The following FILIP1 variants were observed in gnomAD, a reference collection of about 807,000 sequenced individuals.
FILIP1 encodes the protein filamin A interacting protein 1, also known as filamin-A-interacting protein 1.
Under a neutral mutation model 102.1 loss-of-function variants are expected in FILIP1, and 61 were observed. That is an observed-to-expected ratio of 0.60 (90% CI 0.49 to 0.74). The LOEUF is 0.74. Ranked by LOEUF, FILIP1 falls within the 30% of genes least tolerant of loss-of-function variation. The probability of loss-of-function intolerance (pLI) is 0.00; values close to 1 mark genes in which losing one functional copy is unlikely to be tolerated. For missense variants in FILIP1, 1,314 were observed against 1,441.2 expected (o/e 0.91, Z 1.43); for synonymous variants, 491 against 526.9 (o/e 0.93, Z 0.93).
chr6:75,488,769 G>C (rs1779868110), intron 1 of FILIP1, among the ~76,000 whole-genome samples: 1 of 152,102 alleles, frequency 6.6e-6, no homozygotes, highest in African/African-American at 2.4e-5. Context: ...AAACTTCCCT[G>C]CTTATAAGGG....
chr6:75,404,705 G>A (rs571320179), intron 2 of FILIP1, among the ~76,000 whole-genome samples: 2 of 152,210 alleles, frequency 1.3e-5, no homozygotes, highest in East Asian at 3.9e-4. Context: ...GCTTTAGGGG[G>A]ATCTACCTCA....
intron 2 of FILIP1, among the ~76,000 whole-genome samples, chr6:75,392,760 C>G (rs1198189983): frequency 6.6e-6 from 1 of 152,146 alleles, no homozygotes; most frequent in Non-Finnish European, 1.5e-5. Flanking sequence ...ATGGTTGAAT[C>G]ATGGGGGCAG....
intron 1 of FILIP1, among the ~76,000 whole-genome samples, chr6:75,455,782 A>C (rs138296464): frequency 6.6e-6 from 1 of 152,134 alleles, no homozygotes; most frequent in Non-Finnish European, 1.5e-5. Context: ...TTACCTTTCA[A>C]ATCAAATCAC....
chr6:75,421,150 C>A (rs1777450696), intron 1 of FILIP1, among the ~76,000 whole-genome samples: 1 of 152,096 alleles, frequency 6.6e-6, no homozygotes, highest in African/African-American at 2.4e-5. Context: ...CATTTATTTC[C>A]ACTCTCTGCT....
At position 75,362,902 on chromosome 6, in the gene FILIP1, T is replaced by A. The variant is rs1436468263; in HGVS notation, c.292A>T (p.Ile98Phe). The A allele has an allele frequency of 6.2e-7, 1 of 1,613,792 alleles. No individual in the cohort carries two copies. Among genetic ancestry groups the A allele is most frequent in the African/African-American group, 1.3e-5 (1 of 74,890 alleles). Residue 98 changes from isoleucine to phenylalanine, a missense_variant, in exon 3 of 6, where the codon ATC (isoleucine) becomes TTC (phenylalanine). By Grantham distance (21) the Ile-to-Phe change is conservative (BLOSUM62 0). Transcript: ENST00000237172. ...GTTTTCTCTGTCTTCAGCATGTGGA[T>A]CACATCTTCTCTGGCCTGTAATAGA... ...EGELQAREDV[I>F]HMLKTEKTKP...
chr6:75,313,837 C>T lies in FILIP1; in HGVS notation c.1995G>A (p.Gln665=). 1.2e-6 allele frequency: 2 copies of T among 1,613,996 alleles called. No homozygotes were observed. The highest frequency in any genetic ancestry group is 1.7e-6 in the Non-Finnish European group (2 of 1,179,988). Reference sequence around the variant, plus strand: ...CCTTATCCTGCTCAGTTCTAAATTTCTGTTCCAGCTGATCATACTCATCTT... The same window carrying T: ...CCTTATCCTGCTCAGTTCTAAATTTTTGTTCCAGCTGATCATACTCATCTT... ...KTEDEYDQLE[Q]KFRTEQDKAN... is the part of the protein sequence containing the mutation. Residue 665 remains glutamine (Q), a synonymous_variant, in exon 5 of 6, where the codon CAG becomes CAA. Coordinates refer to ENST00000237172, the MANE Select transcript of FILIP1 (RefSeq NM_015687.5). This position sits in a 1 kb window ranked among gnomAD's most constrained non-coding sequence, Gnocchi z 4.2.
intron 4 of FILIP1, among the ~76,000 whole-genome samples, chr6:75,338,018 G>A (rs1774298627): frequency 6.6e-6 from 1 of 152,168 alleles, no homozygotes; most frequent in Non-Finnish European, 1.5e-5. Context: ...GCTGGATGTG[G>A]TGCAGTCATA....
chr6:75,472,669 T>TAAAAATTA (rs1779366379), intron 1 of FILIP1, among the ~76,000 whole-genome samples: 2 of 152,302 alleles, frequency 1.3e-5, no homozygotes, highest in African/African-American at 2.4e-5. Context: ...GAATAATTCA[T>TAAAAATTA]GAATGTACTA....
chr6:75,414,670 A>G (rs371474646), intron 2 of FILIP1, 27 bp downstream of exon 2: 164 of 1,600,800 alleles, frequency 1.0e-4, no homozygotes, highest in South Asian at 2.1e-4. Flanking sequence ...CAAAGACACA[A>G]TAACAGTTGG....
intron 4 of FILIP1, among the ~76,000 whole-genome samples, chr6:75,323,294 T>C (rs1773724708): frequency 6.6e-6 from 1 of 152,172 alleles, no homozygotes; most frequent in South Asian, 2.1e-4. Context: ...TTGTTGATGG[T>C]GCATACATTT....
intron 1 of FILIP1, among the ~76,000 whole-genome samples, chr6:75,446,398 A>G (rs1778443448): frequency 6.6e-6 from 1 of 152,194 alleles, no homozygotes; most frequent in South Asian, 2.1e-4. Context: ...TGTAACCACT[A>G]GCCATCTCAG....
chr6:75,469,256 G>T (rs533582346), intron 1 of FILIP1, among the ~76,000 whole-genome samples: 1 of 152,024 alleles, frequency 6.6e-6, no homozygotes, highest in East Asian at 1.9e-4. Context: ...AAAATTTTTG[G>T]TTTTGTTTAA....
At chr6:75,327,603 A>G (rs1773913986) in intron 4 of FILIP1, among the ~76,000 whole-genome samples, 1 of 138,324 alleles carries the variant, frequency 7.2e-6, no homozygotes, top group Non-Finnish European at 1.6e-5. Flanking sequence ...AAAAAGGTCA[A>G]TGCACAGAGC....
intron 2 of FILIP1, among the ~76,000 whole-genome samples, chr6:75,396,226 G>C (rs983236011): frequency 2.0e-5 from 3 of 151,722 alleles, no homozygotes; most frequent in Non-Finnish European, 4.4e-5. Flanking sequence ...GTGGTGAGCA[G>C]TGGTGAGCCG....
rs78976690 is a variant in FILIP1, at chr6:75,380,085, T to C, written c.277-17168A>G. ...ACTTCATAAATATTTGCTGGATGAATGAATGAATGAATATACATGGGTAGT... is the reference window on the plus strand; with the variant it reads ...ACTTCATAAATATTTGCTGGATGAACGAATGAATGAATATACATGGGTAGT... On this transcript the variant is annotated intron_variant, in intron 2 of 5. Transcript: ENST00000237172. 1.4e-3 allele frequency among the ~76,000 whole-genome samples: 208 copies of C among 152,164 alleles called. 1 individual carries two copies. The highest frequency in any genetic ancestry group is 4.8e-3 in the African/African-American group (199 of 41,546).
chr6:75,379,318 A>G (rs929922141), intron 2 of FILIP1, among the ~76,000 whole-genome samples: 7 of 152,204 alleles, frequency 4.6e-5, no homozygotes, highest in African/African-American at 1.7e-4. Context: ...ATTGACTGGA[A>G]GTTGCTGATA....
At chr6:75,374,825 A>G (rs368134005) in intron 2 of FILIP1, among the ~76,000 whole-genome samples, 24 of 152,370 alleles carry the variant, frequency 1.6e-4, no homozygotes, top group African/African-American at 5.5e-4. Context: ...GGACAAATCA[A>G]GCATCTCTGG....
chr6:75,299,614 G>A (rs1010962839), intron 6 of FILIP1, among the ~76,000 whole-genome samples: 3 of 152,046 alleles, frequency 2.0e-5, no homozygotes, highest in Non-Finnish European at 4.4e-5. Context: ...TGTACTTAGA[G>A]ACAATTTCCC....
chr6:75,341,846 A>G (rs1582371351), intron 4 of FILIP1, among the ~76,000 whole-genome samples: 1 of 152,306 alleles, frequency 6.6e-6, no homozygotes, highest in East Asian at 1.9e-4. Flanking sequence ...TTGTTCTCAA[A>G]ATGTCTTAGT....
Sources: gnomAD v4.1 joint callset for allele counts (sites outside exome capture counted in the v4.1 genomes callset) on GRCh38, gnomAD v4.1.1 for gene constraint, Gnocchi (gnomAD v3.1) non-coding constraint, MANE v1.5 for transcripts, NCBI Gene and HGNC (gene_info 2026-07-23, HGNC 2026-07-21) for gene names.